CAST: variants seen among roughly 807,000 people sequenced by gnomAD.
CAST encodes the protein calpastatin, also known as MIR583 host.
In CAST, 76 loss-of-function variants were observed where a neutral mutation model predicts 119.6. The ratio of observed to expected loss-of-function variants is 0.64; its 90% CI spans 0.53 to 0.77. CAST has a LOEUF of 0.77. Among genes scored for constraint, CAST ranks in the 30% least tolerant of loss-of-function variants. The probability of loss-of-function intolerance (pLI) is 0.00; values close to 1 mark genes in which losing one functional copy is unlikely to be tolerated. For missense variants in CAST, 953 were observed against 946.5 expected, an observed-to-expected ratio of 1.01 and a Z score of -0.09; for synonymous variants, 319 against 331.6, an observed-to-expected ratio of 0.96 and a Z score of 0.41.
At chr5:96,327,926 T>G in the CAST span, among the ~76,000 whole-genome samples, 10 of 152,226 alleles carry the variant, frequency 6.6e-5, no homozygotes, top group Admixed American at 5.9e-4. Flanking sequence ...TGTAAAGTGC[T>G]GTACAAATCT....
chr5:96,178,704 T>G, the CAST span, among the ~76,000 whole-genome samples: 2 of 152,102 alleles, frequency 1.3e-5, no homozygotes, highest in African/African-American at 2.4e-5. Context: ...TTGAAGACAA[T>G]CTGAAGGGGA....
intron 1 of CAST, among the ~76,000 whole-genome samples, chr5:96,674,765 T>TTC: frequency 6.6e-6 from 1 of 152,170 alleles, no homozygotes; most frequent in Non-Finnish European, 1.5e-5. Context: ...GTGACTACAG[T>TTC]TAACAGTAAT....
At chr5:96,458,869 C>T in the CAST span, among the ~76,000 whole-genome samples, 1 of 152,104 alleles carries the variant, frequency 6.6e-6, no homozygotes, top group Non-Finnish European at 1.5e-5. Flanking sequence ...CAGATCTCAC[C>T]CTCCTAAAAT....
At chr5:96,397,476 A>C in the CAST span, 1 of 1,611,044 alleles carries the variant, frequency 6.2e-7, no homozygotes, top group South Asian at 1.1e-5. Flanking sequence ...GTTCCTATGA[A>C]ACAAATACAA....
the CAST span, among the ~76,000 whole-genome samples, chr5:95,963,720 T>G: frequency 3.4e-4 from 50 of 147,650 alleles, no homozygotes; most frequent in Non-Finnish European, 5.9e-5. Flanking sequence ...TTCTTTTCTC[T>G]CTCTCTTTTT....
At chr5:96,241,732 GCTGA>G in the CAST span, among the ~76,000 whole-genome samples, 2 of 132,778 alleles carry the variant, frequency 1.5e-5, no homozygotes, top group South Asian at 4.9e-4. Context: ...CCTGTTGTTT[GCTGA>G]CTTTTTAATG....
intron 2 of CAST, among the ~76,000 whole-genome samples, chr5:96,678,419 CT>C (rs903059181): frequency 2.0e-5 from 3 of 152,272 alleles, no homozygotes; most frequent in Admixed American, 6.5e-5. Flanking sequence ...TTTTTCTTCT[CT>C]TTTTATTATT....
chr5:96,327,127 G>A, the CAST span, among the ~76,000 whole-genome samples: 1 of 152,152 alleles, frequency 6.6e-6, no homozygotes, highest in African/African-American at 2.4e-5. Context: ...CTTTGGACAA[G>A]GTTATTTGAC....
the CAST span, among the ~76,000 whole-genome samples, chr5:96,427,205 C>A: frequency 6.6e-6 from 1 of 152,036 alleles, no homozygotes; most frequent in Non-Finnish European, 1.5e-5. Context: ...AAATGAAAAC[C>A]AAGAGCAATT....
intron 1 of CAST, among the ~76,000 whole-genome samples, chr5:96,641,067 T>C (rs534724940): frequency 5.3e-5 from 8 of 152,322 alleles, no homozygotes; most frequent in African/African-American, 1.9e-4. Context: ...TTGAAAATAT[T>C]ACCCATTAGT....
At chr5:96,434,046 A>C in the CAST span, 3 of 152,134 alleles carry the variant, frequency 2.0e-5, no homozygotes, top group African/African-American at 7.2e-5. Context: ...TCAGGGAGGG[A>C]AAGAGCAGTT....
chr5:96,637,834 GTCTA>G (rs773934301), intron 1 of CAST, among the ~76,000 whole-genome samples: 1 of 151,964 alleles, frequency 6.6e-6, no homozygotes, highest in Non-Finnish European at 1.5e-5. Flanking sequence ...ACAATATTTT[GTCTA>G]TCTAAATAAA....
At chr5:96,546,698 G>A (rs1746022943) in intron 1 of CAST, among the ~76,000 whole-genome samples, 1 of 152,090 alleles carries the variant, frequency 6.6e-6, no homozygotes, top group Admixed American at 6.6e-5. Context: ...TTTTTTATGT[G>A]ACTCTATATG....
At chr5:96,298,764 C>T in the CAST span, among the ~76,000 whole-genome samples, 1 of 151,986 alleles carries the variant, frequency 6.6e-6, no homozygotes, top group South Asian at 2.1e-4. Flanking sequence ...AAACAAATAA[C>T]AGTTTAAGCC....
the CAST span, among the ~76,000 whole-genome samples, chr5:96,478,238 T>C: frequency 6.6e-6 from 1 of 152,210 alleles, no homozygotes; most frequent in Admixed American, 6.5e-5. Context: ...TAGGGAGTGA[T>C]AGTATCCGCA....
chr5:95,985,886 G>C, the CAST span, among the ~76,000 whole-genome samples: 2 of 152,144 alleles, frequency 1.3e-5, no homozygotes, highest in Admixed American at 6.5e-5. Flanking sequence ...ATTTGAAGTG[G>C]CTTTTTCTGC....
chr5:96,375,687 T>C, the CAST span, among the ~76,000 whole-genome samples: 2 of 151,614 alleles, frequency 1.3e-5, no homozygotes, highest in African/African-American at 4.8e-5. Context: ...GTAAAGGAGA[T>C]TACCTTGTAT....
the CAST span, among the ~76,000 whole-genome samples, chr5:96,485,468 T>A: frequency 6.6e-6 from 1 of 152,040 alleles, no homozygotes; most frequent in Non-Finnish European, 1.5e-5. Flanking sequence ...AATTAAAAAG[T>A]AAAGCTAAAA....
the CAST span, among the ~76,000 whole-genome samples, chr5:96,396,468 G>A: frequency 1.3e-5 from 2 of 151,672 alleles, no homozygotes; most frequent in Non-Finnish European, 2.9e-5. Context: ...GGCTGAGGCA[G>A]GAGAAGCGCT....
Sources: allele counts gnomAD v4.1 joint callset (sites outside exome capture counted in the v4.1 genomes callset), GRCh38; gene constraint gnomAD v4.1.1; transcripts MANE v1.5; gene names NCBI Gene and HGNC (gene_info 2026-07-23, HGNC 2026-07-21).